Variants in B3GLCT observed in about 807,000 individuals in gnomAD.
B3GLCT encodes the protein beta-1,3-glucosyltransferase.
In B3GLCT, 65 loss-of-function variants were observed where a neutral mutation model predicts 63.4. The observed-to-expected ratio is 1.03, with a 90% CI of 0.84 to 1.26. The LOEUF (loss-of-function observed/expected upper bound fraction) is 1.26, where lower values mean the gene tolerates loss of function less well. B3GLCT is among the 50% of genes most tolerant of loss of function. The pLI is 0.00. For synonymous variants in B3GLCT, 233 were observed against 219.2 expected (o/e 1.06, Z -0.55); for missense variants, 577 against 604.8 (o/e 0.95, Z 0.48).
At chr13:31,283,911 CAGT>C (rs1290429060) in intron 10 of B3GLCT, among the ~76,000 whole-genome samples, 4 of 152,090 alleles carry the variant, frequency 2.6e-5, no homozygotes, top group African/African-American at 9.7e-5. Context: ...GATGCATAGG[CAGT>C]AATTTGTTTT....
intron 12 of B3GLCT, among the ~76,000 whole-genome samples, chr13:31,290,456 T>G (rs1186001740): frequency 1.3e-5 from 2 of 152,248 alleles, no homozygotes; most frequent in South Asian, 2.1e-4. Context: ...TCCACAATGG[T>G]TGAACTAATT....
At chr13:31,297,408 C>G (rs1432948407) in intron 12 of B3GLCT, among the ~76,000 whole-genome samples, 1 of 124,118 alleles carries the variant, frequency 8.1e-6, no homozygotes, top group Non-Finnish European at 1.6e-5. Context: ...AGTCGCTATT[C>G]TAGTGGGTGT....
chr13:31,241,771 G>A (rs546312424), intron 4 of B3GLCT, among the ~76,000 whole-genome samples: 8 of 152,272 alleles, frequency 5.3e-5, no homozygotes, highest in Admixed American at 2.6e-4. Context: ...CACTGAAGGC[G>A]GCAATACATC....
At position 31,215,218 on chromosome 13, in the gene B3GLCT, A is replaced by G. The variant is rs1869499208; in HGVS notation, c.120+118A>G. On this transcript the variant is annotated intron_variant, in intron 2 of 14. Transcript: ENST00000343307. ...TTATTTTTATTGTTACATAATTCAT[A>G]TAATGTGGTCAACATGGATTTTGAA... 2.3e-5 allele frequency: 25 copies of G among 1,092,354 alleles called. No individual in the cohort carries two copies. The South Asian group carries it at 3.2e-4, about 14-fold the overall frequency. 67.7% of individuals were successfully genotyped at this position (1,092,354 alleles called of 1,614,324 possible).
chr13:31,310,656 G>C (rs536308644), intron 12 of B3GLCT, among the ~76,000 whole-genome samples: 5 of 152,312 alleles, frequency 3.3e-5, no homozygotes, highest in South Asian at 4.1e-4. Context: ...AATGAGCTGG[G>C]ACATGCCCCC....
chr13:31,266,039 G>T (rs1020827909), intron 7 of B3GLCT, among the ~76,000 whole-genome samples: 1 of 151,566 alleles, frequency 6.6e-6, no homozygotes, highest in Non-Finnish European at 1.5e-5. Flanking sequence ...TCGCTCTGTC[G>T]CCCAGGCTGG....
At chr13:31,265,157 A>ATTATTATT (rs1322641040) in intron 7 of B3GLCT, among the ~76,000 whole-genome samples, 13 of 152,316 alleles carry the variant, frequency 8.5e-5, no homozygotes, top group Admixed American at 6.5e-4. Context: ...CCAGACTATT[A>ATTATTATT]ACAGTTGCGC....
Position 31,258,058 on chromosome 13 carries a change from TGGGAATGG to T in B3GLCT, c.460-2886_460-2879del, listed in dbSNP as rs1871829081. On this transcript the variant is annotated intron_variant, in intron 6 of 14. Transcript: ENST00000343307. ...CAGAATAAGGGAGTAAGGGATGCAT[TGGGAATGG>T]GCTTACCTGTCTATATAGGGTGTTC... is the stretch of plus-strand genomic sequence containing the variant. Among the ~76,000 whole-genome samples, 4 of 152,228 alleles carry T rather than the reference TGGGAATGG, an allele frequency of 2.6e-5. No individual in the cohort carries two copies. The South Asian group carries it at 6.2e-4, about 24-fold the overall frequency.
chr13:31,278,371 A>G (rs1005857672), intron 10 of B3GLCT, among the ~76,000 whole-genome samples: 4 of 152,280 alleles, frequency 2.6e-5, no homozygotes, highest in South Asian at 4.1e-4. Flanking sequence ...TTAGATATTC[A>G]TGAAATCCTT....
rs990974323 is a variant in B3GLCT at position 31,230,414 on chromosome 13, G to A, written c.270+1120G>A. Among the ~76,000 whole-genome samples, 12 of 152,200 alleles carry A rather than the reference G, an allele frequency of 7.9e-5. 1 individual carries two copies. The highest frequency in any genetic ancestry group is 1.9e-4 in the African/African-American group (8 of 41,450). On this transcript the variant is annotated intron_variant, in intron 4 of 14. Coordinates refer to ENST00000343307, the MANE Select transcript of B3GLCT (RefSeq NM_194318.4). ...ACTCTTTGACAAGAGACATATGTGC[G>A]TGACAGATTGTTTTCTTTCTCTTCA... is the stretch of plus-strand genomic sequence containing the variant.
chr13:31,237,137 A>AG (rs398077161), intron 4 of B3GLCT, among the ~76,000 whole-genome samples: 2 of 151,492 alleles, frequency 1.3e-5, no homozygotes, highest in Non-Finnish European at 2.9e-5. Flanking sequence ...AAAAAAAAAA[A>AG]AGAGAGATCC....
At chr13:31,329,457 A>C (rs373991220) in intron 14 of B3GLCT, 44 bp from the exon 15 acceptor site, 42 of 1,610,048 alleles carry the variant, frequency 2.6e-5, no homozygotes, top group Non-Finnish European at 3.4e-5. Context: ...CAGCAAAATT[A>C]TATTCAATCA....
chr13:31,259,414 C>T (rs1871905627), intron 6 of B3GLCT, among the ~76,000 whole-genome samples: 1 of 152,002 alleles, frequency 6.6e-6, no homozygotes, highest in African/African-American at 2.4e-5. Flanking sequence ...TATTCATAGA[C>T]TGCCCTTACT....
At chr13:31,327,989 G>A (rs1477789879) in intron 14 of B3GLCT, among the ~76,000 whole-genome samples, 6 of 152,230 alleles carry the variant, frequency 3.9e-5, no homozygotes, top group South Asian at 2.1e-4. Flanking sequence ...GTGCCCAACC[G>A]GCGGTAAGAT....
chr13:31,304,146 C>T (rs1038091422), intron 12 of B3GLCT, among the ~76,000 whole-genome samples: 81 of 100,794 alleles, frequency 8.0e-4, no homozygotes, highest in East Asian at 8.0e-3. Context: ...TTGTCGCCAC[C>T]AGGCCTGCCC....
chr13:31,245,720 C>T (rs921614568), intron 4 of B3GLCT, among the ~76,000 whole-genome samples: 3 of 152,058 alleles, frequency 2.0e-5, no homozygotes, highest in Non-Finnish European at 4.4e-5. Flanking sequence ...CAAATAGTAA[C>T]ATCATTAGTT....
chr13:31,257,629 AGCAGAATAAG>A (rs1056116194), intron 6 of B3GLCT, among the ~76,000 whole-genome samples: 5 of 151,958 alleles, frequency 3.3e-5, no homozygotes, highest in Admixed American at 3.3e-4. Context: ...TACAACCACA[AGCAGAATAAG>A]GCTCTTAAGA....
At chr13:31,200,567 C>T (rs549177440) in intron 1 of B3GLCT, among the ~76,000 whole-genome samples, 4 of 151,122 alleles carry the variant, frequency 2.6e-5, no homozygotes, top group Non-Finnish European at 5.9e-5. Flanking sequence ...GTCCCGCCCC[C>T]CTGCCTTCCG....
intron 2 of B3GLCT, among the ~76,000 whole-genome samples, chr13:31,220,674 C>T (rs957593980): frequency 5.9e-5 from 9 of 152,172 alleles, no homozygotes; most frequent in African/African-American, 2.2e-4. Context: ...CTGTTTCTTG[C>T]ATATTTGATT....
Sources: gnomAD v4.1 joint callset for allele counts (sites outside exome capture counted in the v4.1 genomes callset) on GRCh38, gnomAD v4.1.1 for gene constraint, MANE v1.5 for transcripts, NCBI Gene and HGNC (gene_info 2026-07-23, HGNC 2026-07-21) for gene names.